The following MYH10 variants were observed in gnomAD, a reference collection of about 807,000 sequenced individuals.
The protein encoded by MYH10 is myosin-10.
In MYH10, 55 loss-of-function variants were observed where a neutral mutation model predicts 257.8. The observed-to-expected ratio is 0.21, with a 90% CI of 0.17 to 0.27. The LOEUF (loss-of-function observed/expected upper bound fraction) is 0.27. MYH10 is among the 10% of genes least tolerant of loss of function. The pLI, the probability that MYH10 is intolerant of heterozygous loss-of-function variation, is 1.00. For synonymous variants in MYH10, 854 were observed against 921.7 expected (o/e 0.93, Z 1.33); for missense variants, 1,631 against 2,500.6 (o/e 0.65, Z 7.42).
At chr17:8,514,282 A>G (rs992756563) in intron 21 of MYH10, among the ~76,000 whole-genome samples, 3 of 152,120 alleles carry the variant, frequency 2.0e-5, no homozygotes, top group African/African-American at 7.2e-5. Context: ...TGCCTTTAGG[A>G]GCTACTCTCG....
In MYH10 at chr17:8,513,434, T is replaced by C. The variant is rs145256561; in HGVS notation, c.2745+104A>G. 9.0e-5 allele frequency: 134 copies of C among 1,481,578 alleles called. No individual in the cohort carries two copies. The African/African-American group carries it at 1.3e-3, about 14-fold the overall frequency. The allele number at this position is 1,481,578 out of a possible 1,614,324, so 91.8% of individuals were successfully genotyped here. A position where few individuals can be genotyped will look rare whatever the true frequency, so the allele number is the denominator to read the frequency against. On this transcript the variant is annotated intron_variant, in intron 23 of 42. Coordinates refer to ENST00000360416, the MANE Select transcript of MYH10 (RefSeq NM_001256012.3). ...AGGCCTCCCATAAAATAAGATGATA[T>C]GGTGGGTACAGCTATTCATAATGAA...
At chr17:8,530,563 T>C in intron 17 of MYH10, 60 bp downstream of exon 17, 1 of 761,804 alleles carries the variant, frequency 1.3e-6, no homozygotes, top group Non-Finnish European at 1.7e-6. Flanking sequence ...CCCCCACACG[T>C]TTTTCCTGTG....
intron 25 of MYH10, 58 bp downstream of exon 25, chr17:8,509,754 A>G (rs2081197842): frequency 6.6e-7 from 1 of 1,515,634 alleles, no homozygotes. Flanking sequence ...TATCAACATA[A>G]TATTATATAA....
Position 8,509,802 on chromosome 17 carries a change from ACTCT to A in MYH10, c.3090+6_3090+9del. Reference sequence around the variant, plus strand: ...ACTAAAATCAGCTTTTTGTGGGAACACTCTCTTACTTTGATGAACTTGGAATTTT... The same window carrying A: ...ACTAAAATCAGCTTTTTGTGGGAACACTTACTTTGATGAACTTGGAATTTT... On this transcript the variant is annotated splice_donor_region_variant and intron_variant, in intron 25 of 42. Coordinates refer to ENST00000360416, the MANE Select transcript of MYH10 (RefSeq NM_001256012.3). 5 of 1,591,010 alleles carry A rather than the reference ACTCT, an allele frequency of 3.1e-6. No homozygotes were observed. Among genetic ancestry groups the A allele is most frequent in the Non-Finnish European group, 4.3e-6 (5 of 1,170,590 alleles).
At chr17:8,604,485 T>G (rs1293045263) in intron 3 of MYH10, among the ~76,000 whole-genome samples, 1 of 152,224 alleles carries the variant, frequency 6.6e-6, no homozygotes, top group Non-Finnish European at 1.5e-5. Flanking sequence ...AGCATCTACC[T>G]TTCCTATTAT....
chr17:8,514,891 C>T (rs1044756631), intron 21 of MYH10, among the ~76,000 whole-genome samples: 3 of 152,220 alleles, frequency 2.0e-5, no homozygotes, highest in African/African-American at 7.2e-5. Context: ...TGGCACGCTG[C>T]ACTCCTCTGG....
chr17:8,562,771 T>C (rs150197825), intron 7 of MYH10, among the ~76,000 whole-genome samples: 121 of 152,332 alleles, frequency 7.9e-4, no homozygotes, highest in African/African-American at 2.7e-3. Context: ...ACTAGAATTC[T>C]CTCATATATA....
intron 1 of MYH10, among the ~76,000 whole-genome samples, chr17:8,627,258 A>G (rs770954363): frequency 1.3e-5 from 2 of 152,164 alleles, no homozygotes; most frequent in Admixed American, 6.5e-5. Flanking sequence ...CATCTGTTCC[A>G]CGCTGTATCT....
At chr17:8,537,082 T>C (rs2082163312) in intron 14 of MYH10, among the ~76,000 whole-genome samples, 1 of 152,238 alleles carries the variant, frequency 6.6e-6, no homozygotes, top group African/African-American at 2.4e-5. Context: ...TGGAGTGACT[T>C]CCTTTTTGGA....
At chr17:8,496,888 G>A (rs982890644) in intron 30 of MYH10, among the ~76,000 whole-genome samples, 1 of 152,160 alleles carries the variant, frequency 6.6e-6, no homozygotes, top group South Asian at 2.1e-4. Flanking sequence ...GAACACCTAC[G>A]TTTCTTCTGG....
chr17:8,592,944 TATATATATATATATATATATATATATA>T lies in MYH10; in HGVS notation c.503-3863_503-3837del, dbSNP rs1567953059. ...TAAATCAAATCCAGCTATATATATA[TATATATATATATATATATATATATATA>T]AAAGATGATGCACAGAAAGAACAAA... On this transcript the variant is annotated intron_variant, in intron 3 of 42. Transcript: ENST00000360416. Among the ~76,000 whole-genome samples the T allele has an allele frequency of 1.0e-4, 10 of 99,928 alleles. 1 individual carries two copies. The highest frequency in any genetic ancestry group is 2.1e-4 in the Non-Finnish European group (10 of 46,936). The allele number at this position is 99,928 out of a possible 152,430, so 65.6% of individuals were successfully genotyped here. A position where few individuals can be genotyped will look rare whatever the true frequency, so the allele number is the denominator to read the frequency against.
chr17:8,581,137 C>G (rs946558382), intron 4 of MYH10, among the ~76,000 whole-genome samples: 1 of 151,730 alleles, frequency 6.6e-6, no homozygotes, highest in Non-Finnish European at 1.5e-5. Flanking sequence ...GAGGGAGTGG[C>G]GAGAGAGGCA....
chr17:8,558,061 TGTTA>T (rs1351304561), intron 7 of MYH10, among the ~76,000 whole-genome samples: 3 of 152,212 alleles, frequency 2.0e-5, no homozygotes, highest in African/African-American at 7.2e-5. Flanking sequence ...ATAGAGACCT[TGTTA>T]ATTAAGAGTC....
intron 4 of MYH10, 88 bp from the exon 5 acceptor site, chr17:8,577,426 G>T: frequency 3.1e-6 from 2 of 647,406 alleles, no homozygotes; most frequent in Non-Finnish European, 2.6e-6. Flanking sequence ...AATTGTATTG[G>T]AACAATAATT....
At chr17:8,571,472 G>A (rs1192363982) in intron 6 of MYH10, among the ~76,000 whole-genome samples, 3 of 152,008 alleles carry the variant, frequency 2.0e-5, no homozygotes, top group Non-Finnish European at 2.9e-5. Context: ...TTTGATGACT[G>A]AGAGCCATTG....
At chr17:8,539,329 T>C (rs1355055760) in intron 14 of MYH10, among the ~76,000 whole-genome samples, 4 of 152,194 alleles carry the variant, frequency 2.6e-5, no homozygotes, top group Non-Finnish European at 5.9e-5. Flanking sequence ...AACTCATCCC[T>C]GGAATGCTCC....
chr17:8,482,826 G>A (rs1244884392), intron 37 of MYH10, among the ~76,000 whole-genome samples: 2 of 152,244 alleles, frequency 1.3e-5, no homozygotes, highest in African/African-American at 4.8e-5. Context: ...TGGCCCAGGA[G>A]CGCTCTCTAG....
Position 8,552,131 on chromosome 17 carries a change from CT to C in MYH10, c.833del (p.Lys278SerfsTer28). The C allele has an allele frequency of 6.4e-7, 1 of 1,556,466 alleles. No homozygotes were observed. Among genetic ancestry groups the C allele is most frequent in the Non-Finnish European group, 8.7e-7 (1 of 1,146,844 alleles). On this transcript the variant is annotated frameshift_variant, in exon 9 of 43. Transcript: ENST00000360416. LOFTEE classifies it high-confidence loss of function. The surrounding 1 kb of genome is among the most constrained non-coding windows in gnomAD (Gnocchi z 4.8). Reference sequence around the variant, plus strand: ...CTTTTGCTTGACGAACAGCACGAGACTTTTCCAGAAGGTCTGAGCAAAGACA... The same window carrying C: ...CTTTTGCTTGACGAACAGCACGAGACTTTCCAGAAGGTCTGAGCAAAGACA... ...GANIETYLLE[K>X]SRAVRQAKDE... is the part of the protein sequence containing the mutation.
At chr17:8,528,385 C>T (rs2081915815) in intron 17 of MYH10, among the ~76,000 whole-genome samples, 1 of 152,134 alleles carries the variant, frequency 6.6e-6, no homozygotes, top group Non-Finnish European at 1.5e-5. Context: ...TGGTTTATCT[C>T]TGAGGTCCAG....
Sources: gnomAD v4.1 joint callset for allele counts (sites outside exome capture counted in the v4.1 genomes callset) on GRCh38, gnomAD v4.1.1 for gene constraint, Gnocchi (gnomAD v3.1) non-coding constraint, MANE v1.5 for transcripts, NCBI Gene and HGNC (gene_info 2026-07-23, HGNC 2026-07-21) for gene names.